The following MGST3 variants were observed in gnomAD, a reference collection of about 807,000 sequenced individuals.
The protein encoded by MGST3 is microsomal glutathione S-transferase 3, also known as glutathione S-transferase 3, mitochondrial.
In MGST3, 13 loss-of-function variants were observed where a neutral mutation model predicts 15.8. The observed-to-expected ratio is 0.82, with a 90% CI of 0.54 to 1.31. The LOEUF (loss-of-function observed/expected upper bound fraction) is 1.31. Among genes scored for constraint, MGST3 ranks in the 50% most tolerant of loss-of-function variants. MGST3 has a pLI of 0.00. For missense variants in MGST3, 155 were observed against 192.4 expected (o/e 0.81, Z 1.15); for synonymous variants, 49 against 68.1 (o/e 0.72, Z 1.38).
intron 1 of MGST3, among the ~76,000 whole-genome samples, chr1:165,633,755 C>T (rs764942394): frequency 1.3e-4 from 20 of 148,346 alleles, no homozygotes; most frequent in Non-Finnish European, 2.5e-4. Flanking sequence ...GTCAATGTGA[C>T]TCATTCGAGA....
intron 1 of MGST3, among the ~76,000 whole-genome samples, chr1:165,632,608 A>C (rs1647983997): frequency 6.6e-6 from 1 of 152,192 alleles, no homozygotes; most frequent in South Asian, 2.1e-4. Context: ...GAAATAGAAA[A>C]CTTTGTCAAG....
At chr1:165,650,406 G>A (rs994201523) in intron 2 of MGST3, 7 of 244,732 alleles carry the variant, frequency 2.9e-5, no homozygotes, top group African/African-American at 1.6e-4. Flanking sequence ...TAGGAAGGTG[G>A]TCTATTAAAC....
In MGST3 at chr1:165,649,978, C is replaced by T; in HGVS notation, c.117+14C>T. 6.2e-7 allele frequency: 1 copy of T among 1,613,766 alleles called. No individual in the cohort carries two copies. The highest frequency in any genetic ancestry group is 8.5e-7 in the Non-Finnish European group (1 of 1,180,010). On this transcript the variant is annotated intron_variant, in intron 2 of 5. Coordinates refer to ENST00000367889, the MANE Select transcript of MGST3 (RefSeq NM_004528.4). ...TACAAAGTGGAGGTAAGTGGGAACA[C>T]AAGCTGGTGCCCTTGTAGGCTTGTC...
chr1:165,634,740 G>GCT lies in MGST3; in HGVS notation c.-8+3461_-8+3462dup, dbSNP rs370480084. On this transcript the variant is annotated intron_variant, in intron 1 of 5. Coordinates refer to ENST00000367889, the MANE Select transcript of MGST3 (RefSeq NM_004528.4). ...CACTCGTGCTCTCTCTCAATCATGC[G>GCT]CTCTCTCTCTCTCTCCCTCCCTCCC... Among the ~76,000 whole-genome samples, 745 of 77,758 alleles carry GCT rather than the reference G, an allele frequency of 9.6e-3. 30 individuals are homozygous for GCT. Among genetic ancestry groups the GCT allele is most frequent in the Admixed American group, 0.059 (445 of 7,510 alleles). 51.0% of individuals were successfully genotyped at this position (77,758 alleles called of 152,430 possible).
At chr1:165,642,585 T>G (rs1262729506) in intron 1 of MGST3, among the ~76,000 whole-genome samples, 1 of 152,214 alleles carries the variant, frequency 6.6e-6, no homozygotes, top group East Asian at 1.9e-4. Context: ...TAACCAAACA[T>G]TAGCATATGT....
rs1047824949 is a variant in MGST3 at position 165,643,101 on chromosome 1, T to G, written c.-7-6740T>G. Among the ~76,000 whole-genome samples, 7 of 152,360 alleles carry G rather than the reference T, an allele frequency of 4.6e-5. No homozygotes were observed. In the South Asian group the frequency reaches 6.2e-4, roughly 14 times the overall value. On this transcript the variant is annotated intron_variant, in intron 1 of 5. Coordinates refer to ENST00000367889, the MANE Select transcript of MGST3 (RefSeq NM_004528.4). ...TATGATTTTAATACTTTCTTAATTT[T>G]TTTCTATTATTAAGAAAACCAAGAT...
At chr1:165,641,071 T>C (rs1189149130) in intron 1 of MGST3, among the ~76,000 whole-genome samples, 1 of 152,148 alleles carries the variant, frequency 6.6e-6, no homozygotes, top group African/African-American at 2.4e-5. Flanking sequence ...TAATCCCTGC[T>C]ACTCGGGAGG....
At chr1:165,634,801 C>G (rs1044110559) in intron 1 of MGST3, among the ~76,000 whole-genome samples, 1 of 128,960 alleles carries the variant, frequency 7.8e-6, no homozygotes, top group Non-Finnish European at 1.7e-5. Flanking sequence ...CCCTCCCCCC[C>G]ACTCTCAACT....
chr1:165,632,088 G>C lies in MGST3; in HGVS notation c.-8+795G>C. On this transcript the variant is annotated intron_variant, in intron 1 of 5. Transcript: ENST00000367889. ...ATTCCCCGAAGTTGTGGCTTCTGCT[G>C]ATACTTTCCTTGAGAGTCACGAGTT... is the stretch of plus-strand genomic sequence containing the variant. 3 of 643,190 alleles carry C rather than the reference G, an allele frequency of 4.7e-6. 1 individual carries two copies. The South Asian group carries it at 5.8e-5, about 12-fold the overall frequency. The allele number at this position is 643,190 out of a possible 1,614,324, so 39.8% of individuals were successfully genotyped here. A position where few individuals can be genotyped will look rare whatever the true frequency, so the allele number is the denominator to read the frequency against.
chr1:165,645,980 A>G (rs538396928), intron 1 of MGST3: 1 of 152,352 alleles, frequency 6.6e-6, no homozygotes, highest in Non-Finnish European at 1.5e-5. Context: ...ATCTAGCACT[A>G]CGTAGAAGAG....
At chr1:165,632,205 G>T in intron 1 of MGST3, 1 of 1,606,874 alleles carries the variant, frequency 6.2e-7, no homozygotes, top group Non-Finnish European at 8.5e-7. Flanking sequence ...GAGAGGCAGG[G>T]GTTAGAACTT....
At chr1:165,639,442 A>C (rs906026517) in intron 1 of MGST3, among the ~76,000 whole-genome samples, 50 of 152,220 alleles carry the variant, frequency 3.3e-4, no homozygotes, top group African/African-American at 1.0e-3. Context: ...AGTAACTATC[A>C]TATGGGATTG....
chr1:165,654,947 A>G (rs569265557), intron 5 of MGST3, among the ~76,000 whole-genome samples: 110 of 152,322 alleles, frequency 7.2e-4, no homozygotes, highest in African/African-American at 2.6e-3. Context: ...ACTCAGCATG[A>G]TTAAAGCTGT....
intron 1 of MGST3, among the ~76,000 whole-genome samples, chr1:165,640,732 A>G (rs923422792): frequency 6.6e-6 from 1 of 152,176 alleles, no homozygotes; most frequent in Non-Finnish European, 1.5e-5. Context: ...GCAAGTTGCT[A>G]TAAAAAATAT....
chr1:165,641,588 A>G (rs749230041), intron 1 of MGST3, among the ~76,000 whole-genome samples: 1 of 152,250 alleles, frequency 6.6e-6, no homozygotes, highest in Non-Finnish European at 1.5e-5. Flanking sequence ...TTATTTCTTC[A>G]TATTTGGACC....
intron 4 of MGST3, among the ~76,000 whole-genome samples, 197 bp downstream of exon 4, chr1:165,652,232 A>G (rs191976685): frequency 4.1e-4 from 63 of 152,354 alleles, no homozygotes; most frequent in African/African-American, 1.4e-3. Flanking sequence ...AGATAAGGAA[A>G]AGCCTCTCAT....
chr1:165,640,900 A>T (rs1318914946), intron 1 of MGST3, among the ~76,000 whole-genome samples: 1 of 152,124 alleles, frequency 6.6e-6, no homozygotes, highest in African/African-American at 2.4e-5. Flanking sequence ...TCCCCAGAAG[A>T]GTTCCCATTC....
chr1:165,636,985 T>C (rs899892174), intron 1 of MGST3: 9 of 152,224 alleles, frequency 5.9e-5, no homozygotes, highest in African/African-American at 2.2e-4. Context: ...CCGTCTGGTG[T>C]TTGGGACTCA....
At chr1:165,649,177 CCCCTA>C (rs1314887302) in intron 1 of MGST3, 1 of 154,094 alleles carries the variant, frequency 6.5e-6, no homozygotes, top group Admixed American at 6.4e-5. Context: ...CCTGGGCCTT[CCCCTA>C]CCTGTGTGAG....
Sources: gnomAD v4.1 joint callset for allele counts (sites outside exome capture counted in the v4.1 genomes callset) on GRCh38, gnomAD v4.1.1 for gene constraint, MANE v1.5 for transcripts, NCBI Gene and HGNC (gene_info 2026-07-23, HGNC 2026-07-21) for gene names.